The following SCYL3 variants were observed in gnomAD, a reference collection of about 807,000 sequenced individuals.
SCYL3 encodes the protein SCY1 like pseudokinase 3.
SCYL3 carries 35 observed loss-of-function variants against 73.8 expected under a neutral mutation model. The observed-to-expected ratio is 0.47, with a 90% CI of 0.36 to 0.63. The LOEUF is 0.63. SCYL3 is among the 20% of genes least tolerant of loss of function. The pLI is 0.00. For synonymous variants in SCYL3, 277 were observed against 295.2 expected, an observed-to-expected ratio of 0.94 and a Z score of 0.63; for missense variants, 712 against 798.9, an observed-to-expected ratio of 0.89 and a Z score of 1.31.
rs779646219 is a variant in SCYL3, at chr1:169,852,855, A to T, written c.*858T>A. The T allele has an allele frequency of 2.0e-5, 32 of 1,614,052 alleles. No homozygotes were observed. Among genetic ancestry groups the T allele is most frequent in the Non-Finnish European group, 5.1e-6 (6 of 1,180,014 alleles). On this transcript the variant is annotated 3_prime_UTR_variant, in exon 13 of 13. Coordinates refer to ENST00000367771, the MANE Select transcript of SCYL3 (RefSeq NM_020423.7). ...AAGAGTACAGGTCAGCGCTGCATAC[A>T]ATAGCAGGGGCTTTGGAAGCAACTG... is the stretch of plus-strand genomic sequence containing the variant.
rs1193543989 is a variant in SCYL3 at position 169,859,185 on chromosome 1, C to T, written c.1168G>A (p.Asp390Asn). 5.6e-6 allele frequency: 9 copies of T among 1,613,056 alleles called. No individual in the cohort carries two copies. The highest frequency in any genetic ancestry group is 2.2e-5 in the South Asian group (2 of 90,926). The stretch of plus-strand genomic sequence containing the variant: ...TGCAGAGTAATTGCCACAATGGAAT[C>T]GCTAGTATCACGCAGGCCCAGCAAA... ...QVLLGLRDTS[D>N]SIVAITLHSL... Residue 390 changes from aspartate (D) to asparagine (N), a missense_variant, in exon 11 of 13, where the codon GAT (aspartate) becomes AAT (asparagine). This residue lies in a region of SCYL3 where 370 missense variants were observed against 350.8 expected (regional missense o/e 1.05). Transcript: ENST00000367771.
chr1:169,866,014 C>T (rs1051779635), intron 8 of SCYL3, among the ~76,000 whole-genome samples: 2 of 152,192 alleles, frequency 1.3e-5, no homozygotes, highest in Non-Finnish European at 2.9e-5. Flanking sequence ...CCTAATATTT[C>T]CCTCTAGCTC....
rs528724716 is a variant in SCYL3, at chr1:169,853,827, T to C, written c.2008-55A>G. 2.3e-5 allele frequency: 36 copies of C among 1,589,862 alleles called. No individual in the cohort carries two copies. The African/African-American group carries it at 3.1e-4, about 14-fold the overall frequency. ...CACTGAAACAAATCATATGCAAAAA[T>C]CATACGCAAATTTGAAAAAGCAGGA... On this transcript the variant is annotated intron_variant, in intron 12 of 12. Transcript: ENST00000367771.
chr1:169,876,728 G>A (rs1194354084), intron 3 of SCYL3, among the ~76,000 whole-genome samples: 1 of 151,996 alleles, frequency 6.6e-6, no homozygotes, highest in African/African-American at 2.4e-5. Flanking sequence ...GGTCGAGGCA[G>A]GCAGATCATG....
At chr1:169,855,063 A>ATTAC (rs1658999577) in intron 11 of SCYL3, 99 bp from the exon 12 acceptor site, 2 of 821,614 alleles carry the variant, frequency 2.4e-6, no homozygotes, top group Non-Finnish European at 3.7e-6. Context: ...TATAGGTCTA[A>ATTAC]TTACTTGGAA....
At chr1:169,878,508 T>G in intron 3 of SCYL3, 126 bp downstream of exon 3, 1 of 844,628 alleles carries the variant, frequency 1.2e-6, no homozygotes. Flanking sequence ...CTCAGGAAGT[T>G]TTCTAATAAT....
chr1:169,852,608 A>G lies in SCYL3; in HGVS notation c.*1105T>C, dbSNP rs1466026059. ...GGTAGTAGCACTCTGAATTGCTATG[A>G]TAAACCAAAATGCCTTTACATATTT... is the stretch of plus-strand genomic sequence containing the variant. On this transcript the variant is annotated 3_prime_UTR_variant, in exon 13 of 13. Transcript: ENST00000367771. The G allele has an allele frequency of 1.6e-6, 1 of 623,274 alleles. No individual in the cohort carries two copies. The highest frequency in any genetic ancestry group is 2.8e-6 in the Non-Finnish European group (1 of 360,548). The allele number at this position is 623,274 out of a possible 1,614,324, so 38.6% of individuals were successfully genotyped here.
intron 3 of SCYL3, 88 bp from the exon 4 acceptor site, chr1:169,876,179 A>C: frequency 4.2e-6 from 3 of 708,974 alleles, no homozygotes; most frequent in Non-Finnish European, 6.5e-6. Context: ...TCCATCTCTC[A>C]CAATCTTTAT....
At chr1:169,886,434 C>G (rs955826153) in intron 2 of SCYL3, among the ~76,000 whole-genome samples, 1 of 152,142 alleles carries the variant, frequency 6.6e-6, no homozygotes, top group African/African-American at 2.4e-5. Flanking sequence ...TCTTAAATAA[C>G]ATTGACTAAC....
At chr1:169,862,499 C>T in intron 10 of SCYL3, 114 bp downstream of exon 10, 1 of 1,109,412 alleles carries the variant, frequency 9.0e-7, no homozygotes, top group Non-Finnish European at 1.3e-6. Context: ...TTGTATTCCA[C>T]AGACTGCTGC....
chr1:169,853,986 T>C, intron 12 of SCYL3: 1 of 624,292 alleles, frequency 1.6e-6, no homozygotes. Flanking sequence ...AACCATAAAA[T>C]CCAGTAAAAA....
intron 3 of SCYL3, among the ~76,000 whole-genome samples, chr1:169,877,901 T>C (rs1425411870): frequency 1.3e-5 from 2 of 152,204 alleles, no homozygotes; most frequent in Admixed American, 6.5e-5. Flanking sequence ...CTCCAATTAA[T>C]TGAAAAAAAT....
rs1661042631 is a variant in SCYL3, at chr1:169,878,813, T to G, written c.172A>C (p.Lys58Gln). 6.2e-7 allele frequency: 1 copy of G among 1,607,334 alleles called. No homozygotes were observed. The highest frequency in any genetic ancestry group is 2.2e-5 in the East Asian group (1 of 44,846). Reference sequence around the variant, plus strand: ...AGCAAGCAAGGGTGACGAAGTGTCTTCAAATGCTTTAAAAATACAAACCGA... The same window carrying G: ...AGCAAGCAAGGGTGACGAAGTGTCTGCAAATGCTTTAAAAATACAAACCGA... ...DKVNKAAKHL[K>Q]TLRHPCLLRF... is the part of the protein sequence containing the mutation. Residue 58 changes from lysine (K) to glutamine (Q), a missense_variant, in exon 3 of 13, where the codon AAG becomes CAG. This residue lies in a region of SCYL3 where 342 missense variants were observed against 448.1 expected (regional missense o/e 0.76). Transcript: ENST00000367771.
At position 169,850,819 on chromosome 1, in the gene SCYL3, G is replaced by A. The variant is rs1658075387; in HGVS notation, c.*2894C>T. The stretch of plus-strand genomic sequence containing the variant: ...AAAAAAGGACACTTGTAGTTCCTCT[G>A]CCTGTAGTTTGGGGTGTAATAGCAC... On this transcript the variant is annotated 3_prime_UTR_variant, in exon 13 of 13. Transcript: ENST00000367771. 6.4e-6 allele frequency: 1 copy of A among 155,462 alleles called. No homozygotes were observed. The highest frequency in any genetic ancestry group is 2.4e-5 in the African/African-American group (1 of 41,384). The allele number at this position is 155,462 out of a possible 1,614,324, so 9.6% of individuals were successfully genotyped here. A position where few individuals can be genotyped will look rare whatever the true frequency, so the allele number is the denominator to read the frequency against.
rs548229087 is a variant in SCYL3 at position 169,877,660 on chromosome 1, C to T, written c.351+974G>A. ...CACAAAGAACATCTCTGGAATAATA[C>T]ACGAGTTACCACCATTGCCTCTGAA... On this transcript the variant is annotated intron_variant, in intron 3 of 12. Coordinates refer to ENST00000367771, the MANE Select transcript of SCYL3 (RefSeq NM_020423.7). 5.9e-5 allele frequency among the ~76,000 whole-genome samples: 9 copies of T among 152,214 alleles called. No homozygotes were observed. The South Asian group carries it at 1.5e-3, about 25-fold the overall frequency.
intron 3 of SCYL3, among the ~76,000 whole-genome samples, chr1:169,877,995 A>T (rs1660973831): frequency 6.6e-6 from 1 of 152,204 alleles, no homozygotes; most frequent in African/African-American, 2.4e-5. Context: ...ACTGCCAAAG[A>T]CCTTAATGCC....
chr1:169,864,318 A>G (rs767773595), intron 9 of SCYL3, 51 bp downstream of exon 9: 2 of 1,609,564 alleles, frequency 1.2e-6, no homozygotes, highest in Admixed American at 1.7e-5. Context: ...AATATGGACT[A>G]ATAATCACCA....
intron 5 of SCYL3, among the ~76,000 whole-genome samples, chr1:169,870,639 A>G (rs1660325982): frequency 6.6e-6 from 1 of 152,230 alleles, no homozygotes; most frequent in African/African-American, 2.4e-5. Context: ...AATATGTCTT[A>G]TATCATGCTC....
chr1:169,859,256 ATC>A (rs1659442468), intron 10 of SCYL3, 44 bp from the exon 11 acceptor site: 2 of 1,552,180 alleles, frequency 1.3e-6, no homozygotes, highest in Non-Finnish European at 1.7e-6. Context: ...CACAATACCT[ATC>A]TCTTTCTTCC....
Sources: gnomAD v4.1 joint callset for allele counts (sites outside exome capture counted in the v4.1 genomes callset) on GRCh38, gnomAD v4.1.1 for gene constraint, gnomAD v4.1.1 regional missense constraint, MANE v1.5 for transcripts, NCBI Gene and HGNC (gene_info 2026-07-23, HGNC 2026-07-21) for gene names.